The following PLA2G4A variants were observed in gnomAD, a reference collection of about 807,000 sequenced individuals.
PLA2G4A encodes the protein phospholipase A2 group IVA.
Under a neutral mutation model 81.9 loss-of-function variants are expected in PLA2G4A, and 40 were observed. The observed-to-expected ratio is 0.49, with a 90% CI of 0.38 to 0.64. The LOEUF is 0.64. Ranked by LOEUF, PLA2G4A falls within the 30% of genes least tolerant of loss-of-function variation. The probability of loss-of-function intolerance (pLI) is 0.00; values close to 1 mark genes in which losing one functional copy is unlikely to be tolerated. For synonymous variants in PLA2G4A, 302 were observed against 296.9 expected (o/e 1.02, Z -0.18); for missense variants, 715 against 905.1 (o/e 0.79, Z 2.69).
intron 1 of PLA2G4A, among the ~76,000 whole-genome samples, chr1:186,830,890 T>C (rs1651529539): frequency 6.6e-6 from 1 of 152,098 alleles, no homozygotes; most frequent in African/African-American, 2.4e-5. Flanking sequence ...TCTTGTTTGC[T>C]TTTATTTACC....
chr1:186,836,978 A>T (rs11578084), intron 1 of PLA2G4A, among the ~76,000 whole-genome samples: 3,045 of 152,266 alleles, frequency 0.02, 53 homozygotes, highest in East Asian at 0.044. Flanking sequence ...CGGTAAGTAG[A>T]GTGAGAATGG....
intron 1 of PLA2G4A, among the ~76,000 whole-genome samples, chr1:186,846,880 A>C (rs182380394): frequency 4.6e-5 from 7 of 152,130 alleles, no homozygotes; most frequent in Admixed American, 3.3e-4. Context: ...ATTAAACTCT[A>C]TGCCTTAATT....
intron 7 of PLA2G4A, among the ~76,000 whole-genome samples, chr1:186,920,682 GC>G (rs1200949007): frequency 6.6e-6 from 1 of 152,198 alleles, no homozygotes; most frequent in Non-Finnish European, 1.5e-5. Context: ...TAGGTTGCAA[GC>G]GTGGGTGATT....
At chr1:186,914,726 C>T (rs1232348831) in intron 7 of PLA2G4A, among the ~76,000 whole-genome samples, 2 of 152,134 alleles carry the variant, frequency 1.3e-5, no homozygotes, top group African/African-American at 4.8e-5. Flanking sequence ...GGGTGTGGTG[C>T]TGGGCTGTCT....
rs1457847035 is a variant in PLA2G4A at position 186,946,926 on chromosome 1, C to T, written c.1229C>T (p.Ser410Leu). 1 of 1,610,578 alleles carries T rather than the reference C, an allele frequency of 6.2e-7. No homozygotes were observed. Among genetic ancestry groups the T allele is most frequent in the Non-Finnish European group, 8.5e-7 (1 of 1,176,984 alleles). ...AACAGAGTTTTGGGCGTTTCTGGTT[C>T]ACAAAGCAGAGGCTCCACAATGGAG... is the stretch of plus-strand genomic sequence containing the variant. ...LFNRVLGVSGSQSRGSTMEEE... is the reference protein window; with the variant it reads ...LFNRVLGVSGLQSRGSTMEEE... Residue 410 changes from serine (S) to leucine (L), a missense_variant, in exon 12 of 18, where the codon TCA becomes TTA. Physicochemically the swap from Ser to Leu is moderately radical, Grantham distance 145. Coordinates refer to ENST00000367466, the MANE Select transcript of PLA2G4A (RefSeq NM_024420.3).
intron 3 of PLA2G4A, among the ~76,000 whole-genome samples, chr1:186,879,741 T>C (rs1375563393): frequency 6.6e-6 from 1 of 151,856 alleles, no homozygotes; most frequent in African/African-American, 2.4e-5. Context: ...CTTTACATTA[T>C]ACATACTTTA....
chr1:186,833,461 T>C (rs931722148), intron 1 of PLA2G4A, among the ~76,000 whole-genome samples: 3 of 152,104 alleles, frequency 2.0e-5, no homozygotes, highest in Non-Finnish European at 4.4e-5. Flanking sequence ...TTAGAGAAAA[T>C]GAATTTCAGT....
chr1:186,875,810 C>T (rs953035193), intron 3 of PLA2G4A, among the ~76,000 whole-genome samples: 5 of 151,980 alleles, frequency 3.3e-5, no homozygotes, highest in African/African-American at 9.7e-5. Context: ...GCTTTGGTTC[C>T]GATGTGGCAT....
chr1:186,840,634 T>C (rs1403016910), intron 1 of PLA2G4A, among the ~76,000 whole-genome samples: 1 of 152,262 alleles, frequency 6.6e-6, no homozygotes, highest in Non-Finnish European at 1.5e-5. Flanking sequence ...TCTCACCGGC[T>C]GCCTGAAATA....
At chr1:186,952,610 T>G (rs896429497) in intron 13 of PLA2G4A, among the ~76,000 whole-genome samples, 14 of 152,186 alleles carry the variant, frequency 9.2e-5, no homozygotes, top group African/African-American at 3.4e-4. Flanking sequence ...ACTGTTAGTG[T>G]ATATTCTATG....
At chr1:186,921,203 G>A (rs752671476) in intron 7 of PLA2G4A, among the ~76,000 whole-genome samples, 5 of 152,138 alleles carry the variant, frequency 3.3e-5, no homozygotes, top group Non-Finnish European at 7.4e-5. Context: ...CCTGGCAGCT[G>A]AATTCTTACA....
Position 186,965,505 on chromosome 1 carries a change from C to T in PLA2G4A, c.1676C>T (p.Pro559Leu), listed in dbSNP as rs748817539. 2 of 1,611,624 alleles carry T rather than the reference C, an allele frequency of 1.2e-6. No individual in the cohort carries two copies. Among genetic ancestry groups the T allele is most frequent in the Non-Finnish European group, 1.7e-6 (2 of 1,177,750 alleles). The change falls in exon 15 of 18, where the codon CCC (proline) becomes CTC (leucine). Residue 559 changes from proline (P) to leucine (L), a missense_variant. By Grantham distance (98) the Pro-to-Leu change is moderately conservative. Coordinates refer to ENST00000367466, the MANE Select transcript of PLA2G4A (RefSeq NM_024420.3). ...DSGLTFNLPY[P>L]LILRPQRGVD... ...GGGCTCACATTTAACCTGCCGTATC[C>T]CTTGATACTGAGACCTCAGAGAGGG...
chr1:186,857,144 T>TAATATA (rs1269528236), intron 2 of PLA2G4A, among the ~76,000 whole-genome samples: 3 of 36,288 alleles, frequency 8.3e-5, no homozygotes, highest in Non-Finnish European at 1.3e-4. Flanking sequence ...ATTATATAAT[T>TAATATA]ATATAATTAC....
intron 10 of PLA2G4A, among the ~76,000 whole-genome samples, chr1:186,940,809 G>T (rs973683542): frequency 1.3e-5 from 2 of 152,220 alleles, no homozygotes; most frequent in Admixed American, 1.3e-4. Context: ...GAACTCATGG[G>T]TATATAGAGC....
At chr1:186,978,115 C>T (rs1274735667) in intron 16 of PLA2G4A, among the ~76,000 whole-genome samples, 2 of 152,082 alleles carry the variant, frequency 1.3e-5, no homozygotes, top group East Asian at 1.9e-4. Context: ...GTAAGAAAGC[C>T]CTTATTTCAG....
At chr1:186,943,353 G>A (rs978268818) in intron 10 of PLA2G4A, among the ~76,000 whole-genome samples, 5 of 152,104 alleles carry the variant, frequency 3.3e-5, no homozygotes, top group African/African-American at 1.2e-4. Flanking sequence ...ATTTCCACTG[G>A]TGAATAAACT....
intron 5 of PLA2G4A, among the ~76,000 whole-genome samples, chr1:186,896,175 G>A (rs1387164955): frequency 6.6e-6 from 1 of 151,996 alleles, no homozygotes; most frequent in Non-Finnish European, 1.5e-5. Flanking sequence ...TAAATATATC[G>A]ATACTATACA....
chr1:186,893,176 G>A lies in PLA2G4A; in HGVS notation c.264+17G>A. 6.3e-7 allele frequency: 1 copy of A among 1,598,224 alleles called. No homozygotes were observed. Among genetic ancestry groups the A allele is most frequent in the Non-Finnish European group, 8.6e-7 (1 of 1,165,746 alleles). ...GTTTTGGAGGTAAGTGAACCATTTG[G>A]ATGCTGTTAGATGGTTGTGATTCAT... On this transcript the variant is annotated intron_variant, in intron 4 of 17. Transcript: ENST00000367466.
intron 3 of PLA2G4A, among the ~76,000 whole-genome samples, chr1:186,877,395 C>T (rs993971641): frequency 4.6e-5 from 7 of 152,020 alleles, no homozygotes; most frequent in Non-Finnish European, 8.8e-5. Context: ...ATTTCTTCAA[C>T]GTCATCTTTG....
Sources: gnomAD v4.1 joint callset for allele counts (sites outside exome capture counted in the v4.1 genomes callset) on GRCh38, gnomAD v4.1.1 for gene constraint, MANE v1.5 for transcripts, NCBI Gene and HGNC (gene_info 2026-07-23, HGNC 2026-07-21) for gene names.